Variants in MARCHF1 observed in about 807,000 individuals in gnomAD.
MARCHF1 encodes membrane associated ring-CH-type finger 1, also known as E3 ubiquitin-protein ligase MARCHF1.
A neutral mutation model predicts 54.2 loss-of-function variants in MARCHF1; 40 were observed. That is an observed-to-expected ratio of 0.74 (90% CI 0.57 to 0.96). The LOEUF (loss-of-function observed/expected upper bound fraction) is 0.96, where lower values mean the gene tolerates loss of function less well. Ranked by LOEUF, MARCHF1 falls within the 40% of genes least tolerant of loss-of-function variation. The pLI, the probability that MARCHF1 is intolerant of heterozygous loss-of-function variation, is 0.00. For missense variants in MARCHF1, 586 were observed against 656.5 expected (o/e 0.89, Z 1.17); for synonymous variants, 236 against 236.3 (o/e 1.00, Z 0.01).
chr4:163,828,200 T>C (rs1032394643), intron 4 of MARCHF1, among the ~76,000 whole-genome samples: 4 of 152,202 alleles, frequency 2.6e-5, no homozygotes, highest in African/African-American at 9.6e-5. Context: ...CACTATTAGA[T>C]TGGTGCAAAA....
intron 7 of MARCHF1, among the ~76,000 whole-genome samples, chr4:163,587,679 AGGTGATG>A (rs1740453660): frequency 6.6e-6 from 1 of 152,164 alleles, no homozygotes; most frequent in Non-Finnish European, 1.5e-5. Context: ...TTCACTACTT[AGGTGATG>A]GGAACTTTAG....
chr4:163,533,524 C>T (rs963381379), intron 9 of MARCHF1, among the ~76,000 whole-genome samples: 3 of 151,864 alleles, frequency 2.0e-5, no homozygotes, highest in African/African-American at 7.2e-5. Context: ...AGAATATTGG[C>T]TCCTCAGTGG....
intron 3 of MARCHF1, among the ~76,000 whole-genome samples, chr4:163,976,997 G>A (rs1030376526): frequency 2.6e-5 from 4 of 151,942 alleles, no homozygotes; most frequent in African/African-American, 9.7e-5. Flanking sequence ...AAGTTTTGGG[G>A]CAATTTATTA....
intron 4 of MARCHF1, among the ~76,000 whole-genome samples, chr4:163,780,247 T>C (rs190795048): frequency 6.6e-6 from 1 of 152,322 alleles, no homozygotes; most frequent in East Asian, 1.9e-4. Context: ...AATGCCTTTC[T>C]CATATGTGGC....
intron 3 of MARCHF1, among the ~76,000 whole-genome samples, chr4:163,856,878 G>T (rs1384394108): frequency 6.6e-6 from 1 of 152,002 alleles, no homozygotes; most frequent in Non-Finnish European, 1.5e-5. Flanking sequence ...CGGGCGTGGT[G>T]GCATGTGCCT....
chr4:164,337,325 TA>T (rs956725216), intron 1 of MARCHF1, among the ~76,000 whole-genome samples: 5 of 152,102 alleles, frequency 3.3e-5, no homozygotes, highest in Admixed American at 6.6e-5. Context: ...TTAAAAAAGC[TA>T]AAAAATAATT....
intron 1 of MARCHF1, among the ~76,000 whole-genome samples, chr4:164,184,232 C>T (rs1730907390): frequency 6.6e-6 from 1 of 152,120 alleles, no homozygotes; most frequent in African/African-American, 2.4e-5. Context: ...CTTCAGTTTT[C>T]CATTTACAGT....
chr4:163,917,010 C>A (rs1211016702), intron 3 of MARCHF1, among the ~76,000 whole-genome samples: 1 of 152,094 alleles, frequency 6.6e-6, no homozygotes, highest in East Asian at 1.9e-4. Flanking sequence ...CTATTCATCT[C>A]CTCCCCACAA....
chr4:164,284,835 A>C (rs1394671225), intron 1 of MARCHF1, among the ~76,000 whole-genome samples: 1 of 151,180 alleles, frequency 6.6e-6, no homozygotes, highest in Non-Finnish European at 1.5e-5. Flanking sequence ...CATATTTTCG[A>C]TACAACATGA....
intron 1 of MARCHF1, among the ~76,000 whole-genome samples, chr4:164,301,296 G>A (rs946110175): frequency 6.6e-6 from 1 of 152,112 alleles, no homozygotes; most frequent in African/African-American, 2.4e-5. Context: ...AAAATAAACT[G>A]TTTTGAAGAT....
At chr4:164,121,467 A>G (rs754698418) in intron 1 of MARCHF1, among the ~76,000 whole-genome samples, 1 of 152,112 alleles carries the variant, frequency 6.6e-6, no homozygotes, top group African/African-American at 2.4e-5. Flanking sequence ...CAAGAGAGAG[A>G]TGTGCTGAGC....
intron 9 of MARCHF1, among the ~76,000 whole-genome samples, chr4:163,532,942 T>C (rs72631679): frequency 0.14 from 21,505 of 151,626 alleles, 1,633 homozygotes; most frequent in Middle Eastern, 0.21. Context: ...ACAGTCACTT[T>C]GGAAGACAGT....
intron 4 of MARCHF1, among the ~76,000 whole-genome samples, chr4:163,848,395 A>G (rs542304144): frequency 8.5e-5 from 13 of 152,306 alleles, no homozygotes; most frequent in African/African-American, 2.9e-4. Context: ...TCAAAAAATC[A>G]TAATTGATTA....
chr4:164,380,983 G>C (rs1731352088), intron 1 of MARCHF1, among the ~76,000 whole-genome samples: 1 of 152,170 alleles, frequency 6.6e-6, no homozygotes, highest in African/African-American at 2.4e-5. Flanking sequence ...CTATCATAGA[G>C]GTCCTAAAGT....
intron 4 of MARCHF1, among the ~76,000 whole-genome samples, chr4:163,706,898 T>C (rs1428269848): frequency 2.0e-5 from 3 of 152,088 alleles, no homozygotes; most frequent in Non-Finnish European, 2.9e-5. Context: ...CAATATGGTA[T>C]TGGCATAGAA....
At chr4:164,308,667 TTAAAA>T (rs1734761904) in intron 1 of MARCHF1, among the ~76,000 whole-genome samples, 1 of 152,004 alleles carries the variant, frequency 6.6e-6, no homozygotes. Flanking sequence ...TGAAAACCTC[TTAAAA>T]TAATCACACA....
chr4:164,141,381 G>T (rs1433994385), intron 1 of MARCHF1, among the ~76,000 whole-genome samples: 1 of 152,132 alleles, frequency 6.6e-6, no homozygotes, highest in Non-Finnish European at 1.5e-5. Flanking sequence ...CTTTTTAGCT[G>T]TCTTTAGACA....
chr4:164,221,841 CAT>C (rs1732121878), intron 1 of MARCHF1, among the ~76,000 whole-genome samples: 1 of 151,990 alleles, frequency 6.6e-6, no homozygotes, highest in Admixed American at 6.6e-5. Context: ...AGAAATGAGT[CAT>C]ATGTCCACTC....
At chr4:164,107,849 G>A (rs1393376662) in intron 2 of MARCHF1, among the ~76,000 whole-genome samples, 1 of 152,002 alleles carries the variant, frequency 6.6e-6, no homozygotes, top group Non-Finnish European at 1.5e-5. Flanking sequence ...GAGATTAAAA[G>A]TTGGAAAAAG....
Sources: gnomAD v4.1 joint callset for allele counts (sites outside exome capture counted in the v4.1 genomes callset) on GRCh38, gnomAD v4.1.1 for gene constraint, MANE v1.5 for transcripts, NCBI Gene and HGNC (gene_info 2026-07-23, HGNC 2026-07-21) for gene names.